Variants in THOC2 observed in about 807,000 individuals in gnomAD.
THOC2 encodes THO complex subunit 2.
In THOC2, 10 loss-of-function variants were observed where a neutral mutation model predicts 128.4. The observed-to-expected ratio is 0.08, with a 90% CI of 0.05 to 0.13. The LOEUF is 0.13. Among genes scored for constraint, THOC2 ranks in the 10% least tolerant of loss-of-function variants. The pLI, the probability that THOC2 is intolerant of heterozygous loss-of-function variation, is 1.00. For missense variants in THOC2, 535 were observed against 1,155.7 expected (o/e 0.46, Z 7.79); for synonymous variants, 393 against 396.9 (o/e 0.99, Z 0.12).
chrX:123,671,807 A>G lies in THOC2; in HGVS notation c.769-46T>C, dbSNP rs1230850092. 3 of 814,709 alleles carry G rather than the reference A, an allele frequency of 3.7e-6. No individual in the cohort carries two copies. The African/African-American group carries it at 6.2e-5, about 17-fold the overall frequency. The allele number at this position is 814,709 out of a possible 1,213,427, so 67.1% of individuals were successfully genotyped here. A position where few individuals can be genotyped will look rare whatever the true frequency, so the allele number is the denominator to read the frequency against. On this transcript the variant is annotated intron_variant, in intron 8 of 38. Transcript: ENST00000245838. Reference sequence around the variant, plus strand: ...GTTTCCATTTAGTGCAGAAAGGACAATTAAAGCAATATCCTTCACCTACCA... The same window carrying G: ...GTTTCCATTTAGTGCAGAAAGGACAGTTAAAGCAATATCCTTCACCTACCA...
intron 7 of THOC2, among the ~76,000 whole-genome samples, chrX:123,693,310 C>A (rs763618870): frequency 1.6e-4 from 18 of 111,078 alleles, no homozygotes; most frequent in Admixed American, 6.7e-4. Context: ...AACACACACA[C>A]AAAAAAATAG....
chrX:123,700,598 G>A (rs1393981241), intron 4 of THOC2, among the ~76,000 whole-genome samples: 4 of 106,438 alleles, frequency 3.8e-5, no homozygotes, highest in Non-Finnish European at 7.8e-5. Context: ...GGAAAGTGCA[G>A]CACTAATTTC....
intron 16 of THOC2, among the ~76,000 whole-genome samples, chrX:123,639,549 T>TA (rs2047824196): frequency 9.0e-6 from 1 of 111,731 alleles, no homozygotes; most frequent in Non-Finnish European, 1.9e-5. Flanking sequence ...AGCTTGAACA[T>TA]TATTGGTACA....
At chrX:123,707,011 T>C (rs2050960669) in intron 2 of THOC2, 62 bp from the exon 3 acceptor site, 1 of 485,229 alleles carries the variant, frequency 2.1e-6, no homozygotes, top group Non-Finnish European at 3.2e-6. Flanking sequence ...AGTAAATCTA[T>C]ATATTTCCTA....
Position 123,732,956 on chromosome X carries a change from C to T in THOC2, c.67G>A (p.Glu23Lys). 2 of 1,211,544 alleles carry T rather than the reference C, an allele frequency of 1.7e-6. No individual in the cohort carries two copies. The highest frequency in any genetic ancestry group is 1.8e-5 in the South Asian group (1 of 56,976). ...IKNWEKSGRGEFLHLCRILSE... is the reference protein window; with the variant it reads ...IKNWEKSGRGKFLHLCRILSE... ...GCCTCCGGCCCGAACACTCACAATT[C>T]GCCTCTCCCTGATTTCTCCCAGTTC... Residue 23 changes from glutamate to lysine, a missense_variant, in exon 1 of 39, where the codon GAA becomes AAA. Transcript: ENST00000245838.
chrX:123,633,072 T>C lies in THOC2; in HGVS notation c.2137-32A>G, dbSNP rs371547421. The C allele has an allele frequency of 6.8e-5, 75 of 1,106,692 alleles. No homozygotes were observed. The Middle Eastern group carries it at 1.0e-3, about 15-fold the overall frequency. The allele number at this position is 1,106,692 out of a possible 1,213,427, so 91.2% of individuals were successfully genotyped here. A position where few individuals can be genotyped will look rare whatever the true frequency, so the allele number is the denominator to read the frequency against. The stretch of plus-strand genomic sequence containing the variant: ...AAGGGAAGACACAAATTTACCAGTG[T>C]ACAGTACATAACCCATGCTAATTTG... On this transcript the variant is annotated intron_variant, in intron 20 of 38. Coordinates refer to ENST00000245838, the MANE Select transcript of THOC2 (RefSeq NM_001081550.2).
chrX:123,713,003 T>G (rs938817068), intron 1 of THOC2, 95 bp from the exon 2 acceptor site: 3 of 539,229 alleles, frequency 5.6e-6, no homozygotes, highest in Non-Finnish European at 2.9e-6. Flanking sequence ...TAAAAAAAAA[T>G]TTAATCAAGC....
intron 19 of THOC2, 82 bp downstream of exon 19, chrX:123,635,997 T>C (rs1702579088): frequency 1.4e-6 from 1 of 722,686 alleles, no homozygotes; most frequent in Non-Finnish European, 2.1e-6. Flanking sequence ...TAAGTAGTCT[T>C]TCGGGATAAC....
intron 25 of THOC2, among the ~76,000 whole-genome samples, chrX:123,625,652 T>A (rs1390814449): frequency 9.0e-6 from 1 of 111,002 alleles, no homozygotes; most frequent in Admixed American, 9.6e-5. Context: ...AGGTACTTTT[T>A]ATGTGTAGTG....
In THOC2 at chrX:123,692,753, C is replaced by T. The variant is rs981324612; in HGVS notation, c.601+3268G>A. Among the ~76,000 whole-genome samples the T allele has an allele frequency of 4.5e-5, 5 of 110,813 alleles. No individual in the cohort carries two copies. In the South Asian group the frequency reaches 1.2e-3, roughly 26 times the overall value. On this transcript the variant is annotated intron_variant, in intron 7 of 38. Coordinates refer to ENST00000245838, the MANE Select transcript of THOC2 (RefSeq NM_001081550.2). ...CAGACCTCAGGTGATCTGCCCACCT[C>T]GGCCACCCAGAGTGCTGGGATTACA...
intron 1 of THOC2, among the ~76,000 whole-genome samples, chrX:123,726,258 G>T (rs895288180): frequency 9.2e-6 from 1 of 108,445 alleles, no homozygotes; most frequent in Non-Finnish European, 1.9e-5. Context: ...TTTGAAAGAA[G>T]AATTTAACAG....
intron 12 of THOC2, among the ~76,000 whole-genome samples, chrX:123,664,138 A>G (rs994580340): frequency 8.9e-6 from 1 of 112,190 alleles, no homozygotes; most frequent in East Asian, 2.8e-4. Context: ...ATACCCAGTA[A>G]TGGGATTGCT....
At chrX:123,641,802 A>G (rs2047923891) in intron 15 of THOC2, among the ~76,000 whole-genome samples, 1 of 112,115 alleles carries the variant, frequency 8.9e-6, no homozygotes, top group South Asian at 3.7e-4. Context: ...ATTTGTAGAA[A>G]GAATTACTAA....
intron 1 of THOC2, among the ~76,000 whole-genome samples, chrX:123,723,703 T>C (rs1465044497): frequency 1.8e-5 from 2 of 111,748 alleles, no homozygotes; most frequent in African/African-American, 6.5e-5. Context: ...AACAGTAGGA[T>C]AAATATTCAA....
At chrX:123,665,915 A>T in intron 11 of THOC2, 78 bp from the exon 12 acceptor site, 5 of 543,652 alleles carry the variant, frequency 9.2e-6, no homozygotes, top group Non-Finnish European at 1.0e-5. Flanking sequence ...CACACACTAC[A>T]ATATCTACCA....
intron 8 of THOC2, among the ~76,000 whole-genome samples, chrX:123,684,928 A>G (rs1210664683): frequency 1.8e-5 from 2 of 112,318 alleles, no homozygotes; most frequent in Non-Finnish European, 3.8e-5. Context: ...GTATAGAAAC[A>G]GACACTCCTC....
chrX:123,688,698 G>A (rs1459550995), intron 7 of THOC2, among the ~76,000 whole-genome samples: 2 of 110,947 alleles, frequency 1.8e-5, no homozygotes, highest in Non-Finnish European at 3.8e-5. Context: ...AGGGGGAATG[G>A]GAGAAATGTG....
At chrX:123,730,692 G>A (rs1396943935) in intron 1 of THOC2, among the ~76,000 whole-genome samples, 1 of 111,848 alleles carries the variant, frequency 8.9e-6, no homozygotes, top group East Asian at 2.8e-4. Context: ...AGCAATAATA[G>A]TAAAACTGTT....
At chrX:123,725,743 A>T (rs1421200749) in intron 1 of THOC2, among the ~76,000 whole-genome samples, 1 of 111,587 alleles carries the variant, frequency 9.0e-6, no homozygotes, top group Non-Finnish European at 1.9e-5. Flanking sequence ...CACAGAAATA[A>T]CATCTGCTTC....
Sources: allele counts gnomAD v4.1 joint callset (sites outside exome capture counted in the v4.1 genomes callset), GRCh38; gene constraint gnomAD v4.1.1; transcripts MANE v1.5; gene names NCBI Gene and HGNC (gene_info 2026-07-23, HGNC 2026-07-21).